Variants in PCK2 observed in about 807,000 individuals in gnomAD.
The protein encoded by PCK2 is phosphoenolpyruvate carboxykinase 2, mitochondrial, also known as phosphoenolpyruvate carboxykinase [GTP], mitochondrial.
PCK2 carries 56 observed loss-of-function variants against 65.9 expected under a neutral mutation model. The observed-to-expected ratio is 0.85, with a 90% CI of 0.69 to 1.06. The LOEUF is 1.06. PCK2 is among the 50% of genes least tolerant of loss of function. PCK2 has a pLI of 0.00. For synonymous variants in PCK2, 305 were observed against 319.6 expected (o/e 0.95, Z 0.49); for missense variants, 843 against 863.1 (o/e 0.98, Z 0.29).
At chr14:24,096,816 C>A in intron 1 of PCK2, 76 bp from the exon 2 acceptor site, 2 of 1,355,918 alleles carry the variant, frequency 1.5e-6, no homozygotes, top group Non-Finnish European at 2.1e-6. Context: ...GCAGCCCAAG[C>A]TTTCTGTCTC....
At chr14:24,100,768 C>T (rs981296647) in intron 7 of PCK2, among the ~76,000 whole-genome samples, 22 of 152,266 alleles carry the variant, frequency 1.4e-4, no homozygotes, top group African/African-American at 5.1e-4. Flanking sequence ...GTATTGTTAC[C>T]GTCACCCTTC....
intron 7 of PCK2, among the ~76,000 whole-genome samples, chr14:24,102,500 G>A (rs1049781904): frequency 1.3e-5 from 2 of 152,134 alleles, no homozygotes; most frequent in Admixed American, 1.3e-4. Context: ...ACAAACATTA[G>A]TGCCCTGCCA....
chr14:24,095,068 G>A, intron 1 of PCK2: 4 of 455,728 alleles, frequency 8.8e-6, no homozygotes, highest in South Asian at 4.6e-5. Flanking sequence ...TCCAGGCCTG[G>A]AGCCCCCAGG....
chr14:24,098,712 A>T (rs1184190432), intron 4 of PCK2, 34 bp downstream of exon 4: 2 of 1,575,210 alleles, frequency 1.3e-6, no homozygotes, highest in Non-Finnish European at 1.7e-6. Flanking sequence ...GGGAACACAG[A>T]GGCCTTCTTG....
chr14:24,100,947 C>A (rs1206198022), intron 7 of PCK2, among the ~76,000 whole-genome samples: 1 of 152,160 alleles, frequency 6.6e-6, no homozygotes, highest in African/African-American at 2.4e-5. Flanking sequence ...CTTTCCATGG[C>A]CTTCTGCAGT....
intron 2 of PCK2, 61 bp from the exon 3 acceptor site, chr14:24,098,141 TG>T (rs1329796129): frequency 2.8e-6 from 4 of 1,429,956 alleles, no homozygotes; most frequent in Admixed American, 2.3e-5. Context: ...CTTGAAAAAG[TG>T]GGTCTAGGGA....
chr14:24,102,694 G>A (rs2037209000), intron 7 of PCK2, 59 bp from the exon 8 acceptor site: 2 of 1,426,918 alleles, frequency 1.4e-6, no homozygotes, highest in East Asian at 2.3e-5. Context: ...GCCCATGTAT[G>A]TGTGTGTTGG....
upstream of PCK2, chr14:24,094,271 T>G: frequency 2.5e-6 from 2 of 810,438 alleles, no homozygotes; most frequent in Non-Finnish European, 3.9e-6. The surrounding 1 kb of genome is among the most constrained non-coding windows in gnomAD (Gnocchi z 4.1). Flanking sequence ...CCCCCGCGCC[T>G]GCCCCCCTCC....
intron 7 of PCK2, among the ~76,000 whole-genome samples, chr14:24,101,346 G>A (rs1382648834): frequency 6.6e-6 from 1 of 152,204 alleles, no homozygotes; most frequent in African/African-American, 2.4e-5. Flanking sequence ...GGATGGGAGA[G>A]GGTGGGGATT....
intron 6 of PCK2, 21 bp downstream of exon 6, chr14:24,099,741 AC>A (rs777307491): frequency 1.8e-5 from 29 of 1,608,460 alleles, no homozygotes; most frequent in Non-Finnish European, 2.1e-5. Flanking sequence ...CTCAGATCAT[AC>A]TCTTGGTTCT....
At chr14:24,102,704 G>A (rs750360289) in intron 7 of PCK2, 49 bp from the exon 8 acceptor site, 2 of 1,556,756 alleles carry the variant, frequency 1.3e-6, no homozygotes, top group Non-Finnish European at 1.8e-6. Context: ...GTGTGTGTTG[G>A]GGGTCGACAT....
Position 24,098,300 on chromosome 14 carries a change from GGTGGGGCCC to G in PCK2, c.379_387del (p.Ala127_Gly129del). ...GCGGGACACGGTACCACTCCCGCCT[GGTGGGGCCC>G]GTGGGCAGCTGGGCAACTGGATGTC... On this transcript the variant is annotated inframe_deletion, in exon 3 of 10. Coordinates refer to ENST00000216780, the MANE Select transcript of PCK2 (RefSeq NM_004563.4). 3 of 1,614,144 alleles carry G rather than the reference GGTGGGGCCC, an allele frequency of 1.9e-6. No individual in the cohort carries two copies. Among genetic ancestry groups the G allele is most frequent in the Non-Finnish European group, 2.5e-6 (3 of 1,179,970 alleles).
Position 24,103,526 on chromosome 14 carries a change from C to A in PCK2, c.1485C>A (p.His495Gln). 6.4e-7 allele frequency: 1 copy of A among 1,554,850 alleles called. No individual in the cohort carries two copies. Among genetic ancestry groups the A allele is most frequent in the Admixed American group, 1.9e-5 (1 of 53,690 alleles). Residue 495 changes from histidine to glutamine, a missense_variant, in exon 10 of 10, where the codon CAC (histidine) becomes CAA (glutamine). His to Gln is a conservative substitution (Grantham distance 24). Transcript: ENST00000216780. ...AAEHKGKIIM[H>Q]DPFAMRPFFG... The stretch of plus-strand genomic sequence containing the variant: ...CCCCCCCAGGGAAGATCATCATGCA[C>A]GACCCATTTGCCATGCGGCCCTTTT...
chr14:24,098,322 G>GC lies in PCK2; in HGVS notation c.396dup (p.Asn133GlnfsTer7). On this transcript the variant is annotated frameshift_variant, in exon 3 of 10. Transcript: ENST00000216780. LOFTEE classifies it high-confidence loss of function. The stretch of plus-strand genomic sequence containing the variant: ...CCTGGTGGGGCCCGTGGGCAGCTGG[G>GC]CAACTGGATGTCCCCAGCTGATTTC... 6.2e-7 allele frequency: 1 copy of GC among 1,614,056 alleles called. No homozygotes were observed. The highest frequency in any genetic ancestry group is 8.5e-7 in the Non-Finnish European group (1 of 1,179,954).
chr14:24,103,637 C>T lies in PCK2; in HGVS notation c.1596C>T (p.Val532=). 6.2e-7 allele frequency: 1 copy of T among 1,614,128 alleles called. No individual in the cohort carries two copies. Among genetic ancestry groups the T allele is most frequent in the Non-Finnish European group, 8.5e-7 (1 of 1,179,958 alleles). ...CCCAGCTGCCCCGTATCTTCCATGT[C>T]AACTGGTTCCGGCGTGACGAGGCAG... is the stretch of plus-strand genomic sequence containing the variant. ...KGAQLPRIFH[V]NWFRRDEAGH... The change falls in exon 10 of 10, where the codon GTC becomes GTT. Residue 532 remains valine, a synonymous_variant. Coordinates refer to ENST00000216780, the MANE Select transcript of PCK2 (RefSeq NM_004563.4).
chr14:24,096,053 C>G (rs1342871388), intron 1 of PCK2, among the ~76,000 whole-genome samples: 3 of 152,038 alleles, frequency 2.0e-5, no homozygotes, highest in Non-Finnish European at 4.4e-5. Context: ...CTTTCATAGT[C>G]TTACAGCATA....
rs1460762383 is a variant in PCK2, at chr14:24,094,830, G to A, written c.29+396G>A. 3 of 1,325,234 alleles carry A rather than the reference G, an allele frequency of 2.3e-6. No individual in the cohort carries two copies. The highest frequency in any genetic ancestry group is 3.0e-6 in the Non-Finnish European group (3 of 1,012,568). The allele number at this position is 1,325,234 out of a possible 1,614,324, so 82.1% of individuals were successfully genotyped here. On this transcript the variant is annotated intron_variant, in intron 1 of 9. Transcript: ENST00000216780. This position sits in a 1 kb window ranked among gnomAD's most constrained non-coding sequence, Gnocchi z 4.1. Reference sequence around the variant, plus strand: ...CCCAGGGTACTTCGAGAGGCAGCAGGGCCCTGGGGACAAGGGTACGTGAGC... The same window carrying A: ...CCCAGGGTACTTCGAGAGGCAGCAGAGCCCTGGGGACAAGGGTACGTGAGC...
intron 9 of PCK2, 62 bp from the exon 10 acceptor site, chr14:24,103,448 A>G: frequency 1.4e-6 from 2 of 1,392,478 alleles, no homozygotes; most frequent in Non-Finnish European, 2.0e-6. Context: ...AACTGGATGC[A>G]GGGTGCCCTT....
intron 7 of PCK2, 140 bp downstream of exon 7, chr14:24,100,353 C>T: frequency 2.0e-6 from 3 of 1,465,586 alleles, no homozygotes; most frequent in Non-Finnish European, 2.7e-6. Flanking sequence ...TTTCCAGTCC[C>T]AGGCAAAATC....
Sources: gnomAD v4.1 joint callset for allele counts (sites outside exome capture counted in the v4.1 genomes callset) on GRCh38, gnomAD v4.1.1 for gene constraint, Gnocchi (gnomAD v3.1) non-coding constraint, MANE v1.5 for transcripts, NCBI Gene and HGNC (gene_info 2026-07-23, HGNC 2026-07-21) for gene names.